The following ZNF280C variants were observed in gnomAD, a reference collection of about 807,000 sequenced individuals.
ZNF280C encodes zinc finger protein 280C.
In ZNF280C, 14 loss-of-function variants were observed where a neutral mutation model predicts 53.6. The ratio of observed to expected loss-of-function variants is 0.26; its 90% confidence interval spans 0.17 to 0.41. The LOEUF is 0.41. ZNF280C is among the 10% of genes least tolerant of loss of function. The pLI is 1.00. For missense variants in ZNF280C, 416 were observed against 547.1 expected (o/e 0.76, Z 2.39); for synonymous variants, 203 against 181.1 (o/e 1.12, Z -0.97).
At position 130,227,688 on chromosome X, in the gene ZNF280C, A is replaced by T; in HGVS notation, c.1242T>A (p.Val414=). The T allele has an allele frequency of 2.5e-6, 3 of 1,186,132 alleles. No individual in the cohort carries two copies. Among genetic ancestry groups the T allele is most frequent in the Non-Finnish European group, 3.4e-6 (3 of 873,155 alleles). Reference sequence around the variant, plus strand: ...CAATAAAATGTGTGTGTACCTGGCAAACATATGGCATTTCACCAGGTTTAT... The same window carrying T: ...CAATAAAATGTGTGTGTACCTGGCATACATATGGCATTTCACCAGGTTTAT... ...DTHKPGEMPY[V]CQVCQFRSST... The change falls in exon 11 of 19, where the codon GTT becomes GTA. Residue 414 remains valine (V), a synonymous_variant. Transcript: ENST00000370978.
intron 15 of ZNF280C, 50 bp from the exon 16 acceptor site, chrX:130,209,765 C>T (rs1333547238): frequency 2.0e-6 from 2 of 1,002,228 alleles, no homozygotes; most frequent in South Asian, 2.2e-5. Flanking sequence ...TTATACAACA[C>T]CATATTAATT....
At chrX:130,236,697 C>T in intron 6 of ZNF280C, 58 bp from the exon 7 acceptor site, 13 of 864,994 alleles carry the variant, frequency 1.5e-5, no homozygotes, top group Non-Finnish European at 2.0e-5. Context: ...TGGAATATTG[C>T]TTATGTAAAA....
intron 2 of ZNF280C, among the ~76,000 whole-genome samples, chrX:130,257,005 C>T (rs951076610): frequency 1.8e-5 from 2 of 108,958 alleles, no homozygotes; most frequent in Non-Finnish European, 3.8e-5. Flanking sequence ...TCGAGACCAT[C>T]CTGGCTAACA....
rs2032692808 is a variant in ZNF280C, at chrX:130,266,748, A to G, written c.-17+2014T>C. 2.7e-5 allele frequency among the ~76,000 whole-genome samples: 3 copies of G among 111,946 alleles called. No homozygotes were observed. The Admixed American group carries it at 2.8e-4, about 11-fold the overall frequency. ...TCATTTCTACAGTTCATTACTAGTG[A>G]TGTTTCTCTGAATGTACAGAGCACT... On this transcript the variant is annotated intron_variant, in intron 1 of 18. Transcript: ENST00000370978.
chrX:130,255,957 A>C (rs79451878), intron 2 of ZNF280C, among the ~76,000 whole-genome samples: 1,265 of 110,665 alleles, frequency 0.011, 9 homozygotes, highest in Middle Eastern at 0.028. Context: ...GTCTCACTCA[A>C]ACAAACAAAC....
At chrX:130,226,601 T>G (rs2032223259) in intron 12 of ZNF280C, among the ~76,000 whole-genome samples, 158 bp downstream of exon 12, 1 of 112,139 alleles carries the variant, frequency 8.9e-6, no homozygotes, top group African/African-American at 3.2e-5. Context: ...AATTATAAAT[T>G]AATTGTGTCA....
At chrX:130,243,474 T>C (rs1310719183) in intron 5 of ZNF280C, 89 bp downstream of exon 5, 9 of 1,015,878 alleles carry the variant, frequency 8.9e-6, no homozygotes, top group Non-Finnish European at 1.2e-5. Flanking sequence ...CGTGAGCCAC[T>C]GTGCCCGGCT....
chrX:130,208,237 C>G (rs2031999826), intron 16 of ZNF280C, among the ~76,000 whole-genome samples: 1 of 111,566 alleles, frequency 9.0e-6, no homozygotes, highest in Non-Finnish European at 1.9e-5. Context: ...TCAAGCAATT[C>G]TCGTGCCTCA....
chrX:130,232,670 CAA>C (rs745691258), intron 8 of ZNF280C, among the ~76,000 whole-genome samples: 33 of 111,745 alleles, frequency 3.0e-4, no homozygotes, highest in African/African-American at 1.0e-3. Context: ...ACAGCTATAT[CAA>C]AAAGACAAAA....
chrX:130,248,711 T>C lies in ZNF280C; in HGVS notation c.32-1706A>G, dbSNP rs553057313. The stretch of plus-strand genomic sequence containing the variant: ...GCCTAGAGTGCCCTGATGGCCAGCA[T>C]CATAGCTCCTGAGCTGGCCAACCGG... On this transcript the variant is annotated intron_variant, in intron 2 of 18. Transcript: ENST00000370978. Among the ~76,000 whole-genome samples the C allele has an allele frequency of 7.1e-5, 8 of 111,951 alleles. No individual in the cohort carries two copies. The South Asian group carries it at 3.0e-3, about 42-fold the overall frequency.
At chrX:130,213,038 C>A (rs1335694042) in intron 15 of ZNF280C, among the ~76,000 whole-genome samples, 2 of 111,689 alleles carry the variant, frequency 1.8e-5, no homozygotes, top group African/African-American at 6.5e-5. Context: ...TAAAATCTGA[C>A]AGATGTTGTA....
chrX:130,214,727 A>G (rs2124698307), intron 15 of ZNF280C, among the ~76,000 whole-genome samples: 1 of 112,186 alleles, frequency 8.9e-6, no homozygotes, highest in African/African-American at 3.2e-5. Context: ...ACATAGTTTT[A>G]TACTGTATTG....
At chrX:130,265,531 T>C (rs1025787487) in intron 1 of ZNF280C, among the ~76,000 whole-genome samples, 4 of 112,266 alleles carry the variant, frequency 3.6e-5, no homozygotes, top group African/African-American at 1.3e-4. Context: ...TCAAGAAGTA[T>C]GTATTATTAA....
rs59694150 is a variant in ZNF280C, at chrX:130,222,276, C to CCACACACACACACACA, written c.1396-1812_1396-1797dup. Among the ~76,000 whole-genome samples the CCACACACACACACACA allele has an allele frequency of 3.1e-3, 215 of 69,920 alleles. 2 individuals are homozygous for CCACACACACACACACA. Among genetic ancestry groups the CCACACACACACACACA allele is most frequent in the South Asian group, 3.4e-3 (3 of 893 alleles). The allele number at this position is 69,920 out of a possible 115,157, so 60.7% of individuals were successfully genotyped here. Reference sequence around the variant, plus strand: ...GCTGGCATACATATACATTCAGACACCACACACACACACACACACACACAC... The same window carrying CCACACACACACACACA: ...GCTGGCATACATATACATTCAGACACCACACACACACACACACACACACACACACACACACACACAC... On this transcript the variant is annotated intron_variant, in intron 12 of 18. Transcript: ENST00000370978.
chrX:130,245,089 T>C (rs1353136963), intron 3 of ZNF280C, among the ~76,000 whole-genome samples: 4 of 111,831 alleles, frequency 3.6e-5, no homozygotes, highest in Non-Finnish European at 5.6e-5. Context: ...TATAAACATT[T>C]AGATGAGATC....
At position 130,203,897 on chromosome X, in the gene ZNF280C, G is replaced by A. The variant is rs2031942449; in HGVS notation, c.*1080C>T. On this transcript the variant is annotated 3_prime_UTR_variant, in exon 19 of 19. Transcript: ENST00000370978. ...AGAACAGCAGCCAAAATGGCTAAAC[G>A]TCAGCCTGGATGTTGAAGCACTGAT... The A allele has an allele frequency of 1.8e-5, 2 of 110,029 alleles. No individual in the cohort carries two copies. The highest frequency in any genetic ancestry group is 3.8e-5 in the Non-Finnish European group (2 of 52,767). The allele number at this position is 110,029 out of a possible 1,213,427, so 9.1% of individuals were successfully genotyped here.
At position 130,204,825 on chromosome X, in the gene ZNF280C, T is replaced by A; in HGVS notation, c.*152A>T. 2.4e-6 allele frequency: 1 copy of A among 414,364 alleles called. No individual in the cohort carries two copies. Among genetic ancestry groups the A allele is most frequent in the Non-Finnish European group, 4.0e-6 (1 of 248,310 alleles). The allele number at this position is 414,364 out of a possible 1,213,427, so 34.1% of individuals were successfully genotyped here. On this transcript the variant is annotated 3_prime_UTR_variant, in exon 19 of 19. Transcript: ENST00000370978. The stretch of plus-strand genomic sequence containing the variant: ...AAGGTGGAATAACAATGTAGTGGCA[T>A]CTGAAAGCTGAAAAGAGCTGAATAA...
chrX:130,248,596 G>A (rs2124711756), intron 2 of ZNF280C, among the ~76,000 whole-genome samples: 1 of 111,641 alleles, frequency 9.0e-6, no homozygotes, highest in Admixed American at 9.4e-5. Context: ...CCTGAACTCT[G>A]CAGGGTGGTC....
intron 13 of ZNF280C, among the ~76,000 whole-genome samples, chrX:130,216,478 T>C (rs1305677770): frequency 8.9e-6 from 1 of 111,763 alleles, no homozygotes; most frequent in African/African-American, 3.3e-5. Context: ...AATAGATGAA[T>C]AGGCATTTCT....
Sources: gnomAD v4.1 joint callset for allele counts (sites outside exome capture counted in the v4.1 genomes callset) on GRCh38, gnomAD v4.1.1 for gene constraint, MANE v1.5 for transcripts, NCBI Gene and HGNC (gene_info 2026-07-23, HGNC 2026-07-21) for gene names.